Variants in CLIC6 observed in about 807,000 individuals in gnomAD.
CLIC6 encodes the protein chloride intracellular channel protein 6.
CLIC6 carries 39 observed loss-of-function variants against 49.2 expected under a neutral mutation model. The ratio of observed to expected loss-of-function variants is 0.79; its 90% CI spans 0.61 to 1.04. CLIC6 has a LOEUF of 1.04. Ranked by LOEUF, CLIC6 falls within the 50% of genes least tolerant of loss-of-function variation. The pLI is 0.00. For missense variants in CLIC6, 988 were observed against 993.1 expected, an observed-to-expected ratio of 0.99 and a Z score of 0.07; for synonymous variants, 446 against 433.4, an observed-to-expected ratio of 1.03 and a Z score of -0.36.
intron 1 of CLIC6, among the ~76,000 whole-genome samples, chr21:34,687,669 C>T (rs1382197411): frequency 1.3e-5 from 2 of 152,102 alleles, no homozygotes; most frequent in Non-Finnish European, 1.5e-5. Flanking sequence ...AGGGTAGTCA[C>T]CCACTTAATC....
intron 5 of CLIC6, among the ~76,000 whole-genome samples, chr21:34,715,993 T>C (rs1282833460): frequency 2.6e-5 from 4 of 152,058 alleles, no homozygotes; most frequent in Non-Finnish European, 4.4e-5. Flanking sequence ...GCACAACATA[T>C]GGAAAGAAAG....
rs758651346 is a variant in CLIC6 at position 34,707,983 on chromosome 21, C to T, written c.1524C>T (p.Asn508=). ...ADLQNLAPGT[N]PPFMTFDGEV... is the part of the protein sequence containing the mutation. ...TGCAGAACCTGGCTCCCGGAACAAA[C>T]CCTCCTTTCATGACTTTTGATGGTG... is the stretch of plus-strand genomic sequence containing the variant. The change falls in exon 3 of 6, where the codon AAC becomes AAT. Residue 508 remains asparagine, a synonymous_variant. Transcript: ENST00000349499. 9 of 1,614,158 alleles carry T rather than the reference C, an allele frequency of 5.6e-6. No individual in the cohort carries two copies. The highest frequency in any genetic ancestry group is 6.8e-6 in the Non-Finnish European group (8 of 1,180,026).
intron 1 of CLIC6, among the ~76,000 whole-genome samples, chr21:34,692,959 C>T (rs1990022547): frequency 6.6e-6 from 1 of 152,164 alleles, no homozygotes; most frequent in East Asian, 1.9e-4. Flanking sequence ...CCCTACTCTC[C>T]CACCACTGGA....
intron 1 of CLIC6, among the ~76,000 whole-genome samples, chr21:34,672,871 G>T (rs1568955955): frequency 6.6e-6 from 1 of 152,198 alleles, no homozygotes; most frequent in Non-Finnish European, 1.5e-5. Flanking sequence ...GAGAAATTGA[G>T]AATTAGATTA....
rs899656310 is a variant in CLIC6 at position 34,670,191 on chromosome 21, A to G, written c.803A>G (p.Asp268Gly). 2 of 882,514 alleles carry G rather than the reference A, an allele frequency of 2.3e-6. No homozygotes were observed. The highest frequency in any genetic ancestry group is 4.0e-5 in the East Asian group (1 of 25,116). 54.7% of individuals were successfully genotyped at this position (882,514 alleles called of 1,614,324 possible). The change falls in exon 1 of 6, where the codon GAC becomes GGC. Residue 268 changes from aspartate to glycine, a missense_variant. By Grantham distance (94) the Asp-to-Gly change is moderately conservative. Around this residue, in one of 3 missense-constraint regions of CLIC6, gnomAD observed 647 missense variants for 596.9 expected, o/e 1.08. Coordinates refer to ENST00000349499, the MANE Select transcript of CLIC6 (RefSeq NM_053277.3). ...DGVEAGVPAG[D>G]SVEAEGPAGD... Reference sequence around the variant, plus strand: ...GTAGAAGCGGGGGTCCCGGCGGGGGACAGCGTAGAAGCCGAAGGCCCGGCG... The same window carrying G: ...GTAGAAGCGGGGGTCCCGGCGGGGGGCAGCGTAGAAGCCGAAGGCCCGGCG...
At chr21:34,708,208 G>A (rs2056030254) in intron 3 of CLIC6, 139 bp downstream of exon 3, 2 of 1,012,074 alleles carry the variant, frequency 2.0e-6, no homozygotes, top group Non-Finnish European at 2.9e-6. Flanking sequence ...TAACCCTGGT[G>A]TAACCAGATT....
At chr21:34,708,170 C>A (rs2056029998) in intron 3 of CLIC6, 101 bp downstream of exon 3, 2 of 1,376,318 alleles carry the variant, frequency 1.5e-6, no homozygotes, top group Non-Finnish European at 2.0e-6. Context: ...TGGTTTTCTG[C>A]AGCCCACGGT....
chr21:34,669,301 G>A lies in CLIC6; in HGVS notation c.-88G>A, dbSNP rs550290619. 24 of 1,084,830 alleles carry A rather than the reference G, an allele frequency of 2.2e-5. No individual in the cohort carries two copies. Among genetic ancestry groups the A allele is most frequent in the Middle Eastern group, 2.9e-4 (1 of 3,414 alleles). 67.2% of individuals were successfully genotyped at this position (1,084,830 alleles called of 1,614,324 possible). ...CCGGCGTCCTTCAAGGAGCACAGAG[G>A]GCCCCGTAGCACGCCCCTTGCCCAG... On this transcript the variant is annotated 5_prime_UTR_variant, in exon 1 of 6. Transcript: ENST00000349499.
intron 1 of CLIC6, among the ~76,000 whole-genome samples, chr21:34,678,540 G>A (rs779508314): frequency 3.9e-5 from 6 of 152,092 alleles, no homozygotes; most frequent in Non-Finnish European, 8.8e-5. Flanking sequence ...CGATTTAGAA[G>A]GAAAAAGGAT....
At chr21:34,679,101 G>A (rs188109076) in intron 1 of CLIC6, among the ~76,000 whole-genome samples, 150 of 152,292 alleles carry the variant, frequency 9.8e-4, no homozygotes, top group Admixed American at 4.9e-3. Context: ...CTGTTCTCAC[G>A]CTGTTGTGAA....
At chr21:34,679,692 G>A (rs1207067981) in intron 1 of CLIC6, among the ~76,000 whole-genome samples, 2 of 152,228 alleles carry the variant, frequency 1.3e-5, no homozygotes, top group African/African-American at 4.8e-5. Flanking sequence ...AGTGGGAGAA[G>A]TTGGCCAAAA....
intron 1 of CLIC6, among the ~76,000 whole-genome samples, chr21:34,679,112 G>GA (rs2145799484): frequency 6.6e-6 from 1 of 152,350 alleles, no homozygotes; most frequent in Admixed American, 6.5e-5. Context: ...CTGTTGTGAA[G>GA]AACTGCCCAA....
intron 5 of CLIC6, among the ~76,000 whole-genome samples, chr21:34,710,573 G>A (rs1192382812): frequency 2.0e-5 from 3 of 152,170 alleles, no homozygotes; most frequent in Non-Finnish European, 4.4e-5. Context: ...CAGCACTTTG[G>A]GAGGCCAAGG....
intron 1 of CLIC6, among the ~76,000 whole-genome samples, chr21:34,671,536 A>C (rs1398717309): frequency 1.3e-5 from 2 of 152,202 alleles, no homozygotes; most frequent in African/African-American, 2.4e-5. Context: ...GGAAGTTTTG[A>C]ATTTAAACAG....
In CLIC6 at chr21:34,709,555, G is replaced by T. The variant is rs372559724; in HGVS notation, c.1899+17G>T. 4 of 1,611,390 alleles carry T rather than the reference G, an allele frequency of 2.5e-6. No homozygotes were observed. Among genetic ancestry groups the T allele is most frequent in the South Asian group, 1.1e-5 (1 of 90,960 alleles). ...ATTATTAAGGTTCATCTTCCCTCCCGACACGTGTGCCGAGTACACGAACGG... is the reference window on the plus strand; with the variant it reads ...ATTATTAAGGTTCATCTTCCCTCCCTACACGTGTGCCGAGTACACGAACGG... On this transcript the variant is annotated intron_variant, in intron 5 of 5. Transcript: ENST00000349499.
intron 1 of CLIC6, among the ~76,000 whole-genome samples, chr21:34,704,079 G>C (rs1358412509): frequency 1.3e-5 from 2 of 152,188 alleles, no homozygotes; most frequent in African/African-American, 4.8e-5. Flanking sequence ...AGTGCACTTA[G>C]CCTGAGAGAG....
chr21:34,677,179 T>C (rs1385347235), intron 1 of CLIC6, among the ~76,000 whole-genome samples: 1 of 152,220 alleles, frequency 6.6e-6, no homozygotes, highest in Non-Finnish European at 1.5e-5. Flanking sequence ...AGGTATAAAA[T>C]CTATTTCATT....
chr21:34,672,846 C>G (rs1389388107), intron 1 of CLIC6, among the ~76,000 whole-genome samples: 1 of 152,072 alleles, frequency 6.6e-6, no homozygotes, highest in African/African-American at 2.4e-5. Context: ...AGTACCTAGC[C>G]CTTGAGGTTA....
At chr21:34,695,230 C>T (rs537772710) in intron 1 of CLIC6, among the ~76,000 whole-genome samples, 5 of 152,324 alleles carry the variant, frequency 3.3e-5, no homozygotes, top group African/African-American at 9.6e-5. Flanking sequence ...CCCCATCCTC[C>T]GTCTTTACTC....
Sources: gnomAD v4.1 joint callset for allele counts (sites outside exome capture counted in the v4.1 genomes callset) on GRCh38, gnomAD v4.1.1 for gene constraint, gnomAD v4.1.1 regional missense constraint, MANE v1.5 for transcripts, NCBI Gene and HGNC (gene_info 2026-07-23, HGNC 2026-07-21) for gene names.